The following ZNF469 variants were observed in gnomAD, a reference collection of about 807,000 sequenced individuals.
ZNF469 encodes zinc finger protein 469.
Under a neutral mutation model 1.0 loss-of-function variants are expected in ZNF469, and 1 was observed. That is an observed-to-expected ratio of 1.00 (90% CI 0.35 to 4.73). The LOEUF (loss-of-function observed/expected upper bound fraction) is 4.73. ZNF469 is among the 30% of genes most tolerant of loss of function. ZNF469 has a pLI of 0.16. For synonymous variants in ZNF469, 2,703 were observed against 2,363.4 expected (o/e 1.14, Z -4.17); for missense variants, 6,100 against 5,356.3 (o/e 1.14, Z -4.33).
chr16:88,259,089 G>A, the ZNF469 span, among the ~76,000 whole-genome samples: 87 of 152,364 alleles, frequency 5.7e-4, no homozygotes, highest in Non-Finnish European at 8.7e-4. This position sits in a 1 kb window ranked among gnomAD's most constrained non-coding sequence, Gnocchi z 4.1. Context: ...TGGTATGTGT[G>A]TCTCTTTCTC....
the ZNF469 span, among the ~76,000 whole-genome samples, chr16:88,144,411 G>A: frequency 6.6e-6 from 1 of 152,242 alleles, no homozygotes; most frequent in African/African-American, 2.4e-5. Flanking sequence ...AGAGATAAGG[G>A]GATGGTGTGA....
chr16:88,298,724 C>G, the ZNF469 span, among the ~76,000 whole-genome samples: 5 of 152,208 alleles, frequency 3.3e-5, no homozygotes, highest in African/African-American at 1.2e-4. Flanking sequence ...CCACTCCTCA[C>G]TGGCTCTCCA....
At chr16:88,144,115 C>A in the ZNF469 span, among the ~76,000 whole-genome samples, 1 of 152,154 alleles carries the variant, frequency 6.6e-6, no homozygotes, top group African/African-American at 2.4e-5. Context: ...GGAAGAGGTA[C>A]GCCCGGGGCC....
chr16:88,104,445 C>G, the ZNF469 span, among the ~76,000 whole-genome samples: 1 of 151,846 alleles, frequency 6.6e-6, no homozygotes, highest in East Asian at 1.9e-4. Context: ...TGGACTGAAG[C>G]CCCCCAGCCT....
At chr16:88,301,451 G>T in the ZNF469 span, among the ~76,000 whole-genome samples, 8 of 152,240 alleles carry the variant, frequency 5.3e-5, no homozygotes, top group Non-Finnish European at 8.8e-5. Context: ...ACCGCACCCA[G>T]TGGCCACGCT....
At chr16:88,397,491 G>A (rs1046877003) in intron 1 of ZNF469, among the ~76,000 whole-genome samples, 2 of 152,174 alleles carry the variant, frequency 1.3e-5, no homozygotes, top group African/African-American at 2.4e-5. Context: ...GGATCTCAGG[G>A]GGTTAAAGGG....
chr16:88,273,800 G>C, the ZNF469 span, among the ~76,000 whole-genome samples: 1 of 133,460 alleles, frequency 7.5e-6, no homozygotes, highest in African/African-American at 2.7e-5. Context: ...TCACACTGTG[G>C]AATATTTTTT....
chr16:88,406,971 T>C (rs553619281), intron 1 of ZNF469, among the ~76,000 whole-genome samples: 3 of 152,312 alleles, frequency 2.0e-5, no homozygotes, highest in Admixed American at 1.3e-4. Context: ...TCCTACAATC[T>C]TTCTGCCTTA....
the ZNF469 span, among the ~76,000 whole-genome samples, chr16:88,193,099 TTGA>T: frequency 6.5e-4 from 9 of 13,818 alleles, no homozygotes; most frequent in East Asian, 2.7e-3. Context: ...GGTGATGGTG[TTGA>T]TGGTGGTGGT....
At chr16:88,203,552 C>T in the ZNF469 span, among the ~76,000 whole-genome samples, 2 of 152,152 alleles carry the variant, frequency 1.3e-5, no homozygotes, top group East Asian at 1.9e-4. Context: ...GTGGAATTCA[C>T]TCCCTCTCAG....
chr16:88,380,492 C>T (rs1304607917), upstream of ZNF469, among the ~76,000 whole-genome samples: 5 of 146,394 alleles, frequency 3.4e-5, no homozygotes, highest in Admixed American at 6.9e-5. Context: ...CGTGCACACA[C>T]ACATGCACTC....
chr16:88,335,148 A>C, the ZNF469 span, among the ~76,000 whole-genome samples: 1 of 152,196 alleles, frequency 6.6e-6, no homozygotes, highest in South Asian at 2.1e-4. Context: ...GGGCTGTGAG[A>C]GGATGAACGT....
At chr16:88,110,187 C>T in the ZNF469 span, among the ~76,000 whole-genome samples, 4 of 152,336 alleles carry the variant, frequency 2.6e-5, no homozygotes, top group South Asian at 2.1e-4. Flanking sequence ...TCACCCAGGC[C>T]GAGGCCGCCC....
chr16:88,247,571 ACTG>A, the ZNF469 span, among the ~76,000 whole-genome samples: 1 of 151,084 alleles, frequency 6.6e-6, no homozygotes, highest in Non-Finnish European at 1.5e-5. Flanking sequence ...TGAGTGAGTG[ACTG>A]AGTGAGTGAA....
At chr16:88,256,866 CCTTT>C in the ZNF469 span, among the ~76,000 whole-genome samples, 177 of 147,444 alleles carry the variant, frequency 1.2e-3, 2 homozygotes, top group Admixed American at 5.5e-3. Context: ...CTTTTTCCTT[CCTTT>C]CTTTCTTTTC....
In ZNF469 at chr16:88,430,989, C is replaced by T; in HGVS notation, c.3519C>T (p.Gly1173=). The T allele has an allele frequency of 6.5e-7, 1 of 1,541,454 alleles. No individual in the cohort carries two copies. The highest frequency in any genetic ancestry group is 1.2e-5 in the South Asian group (1 of 83,984). The change falls in exon 3 of 3, where the codon GGC becomes GGT. Residue 1173 remains glycine, a synonymous_variant. Coordinates refer to ENST00000565624, the MANE Select transcript of ZNF469 (RefSeq NM_001367624.2). Reference sequence around the variant, plus strand: ...CCGGCAGGAGCCCTCAGGCCCGTGGCCCGTCTCGAAGCCTGGAGACGGGAG... The same window carrying T: ...CCGGCAGGAGCCCTCAGGCCCGTGGTCCGTCTCGAAGCCTGGAGACGGGAG... The part of the protein sequence containing the change: ...PGPGRSPQAR[G]PSRSLETGAA...
At chr16:88,201,942 T>G in the ZNF469 span, among the ~76,000 whole-genome samples, 2 of 152,136 alleles carry the variant, frequency 1.3e-5, no homozygotes, top group Admixed American at 6.5e-5. This position sits in a 1 kb window ranked among gnomAD's most constrained non-coding sequence, Gnocchi z 5.0. Context: ...GGGGCTCCCA[T>G]GCGGGCCCAC....
the ZNF469 span, among the ~76,000 whole-genome samples, chr16:88,254,626 C>G: frequency 6.6e-6 from 1 of 152,096 alleles, no homozygotes; most frequent in Non-Finnish European, 1.5e-5. Flanking sequence ...GGCGTGGTGG[C>G]ACATGCCTGT....
the ZNF469 span, among the ~76,000 whole-genome samples, chr16:88,197,302 G>T: frequency 4.6e-5 from 7 of 152,176 alleles, no homozygotes; most frequent in Admixed American, 2.6e-4. Context: ...CTGCCTCTTT[G>T]TACAGACACA....
Sources: gnomAD v4.1 joint callset for allele counts (sites outside exome capture counted in the v4.1 genomes callset) on GRCh38, gnomAD v4.1.1 for gene constraint, Gnocchi (gnomAD v3.1) non-coding constraint, MANE v1.5 for transcripts, NCBI Gene and HGNC (gene_info 2026-07-23, HGNC 2026-07-21) for gene names.